KDM4B: variants seen among roughly 807,000 people sequenced by gnomAD.
KDM4B encodes lysine-specific demethylase 4B.
In KDM4B, 32 loss-of-function variants were observed where a neutral mutation model predicts 125.2. The ratio of observed to expected loss-of-function variants is 0.26; its 90% CI spans 0.19 to 0.34. KDM4B has a LOEUF of 0.34. Among genes scored for constraint, KDM4B ranks in the 10% least tolerant of loss-of-function variants. The pLI, the probability that KDM4B is intolerant of heterozygous loss-of-function variation, is 1.00. For missense variants in KDM4B, 1,190 were observed against 1,577.7 expected, an observed-to-expected ratio of 0.75 and a Z score of 4.16; for synonymous variants, 721 against 677.9, an observed-to-expected ratio of 1.06 and a Z score of -0.99.
intron 10 of KDM4B, among the ~76,000 whole-genome samples, chr19:5,117,965 T>C (rs2039289492): frequency 6.6e-6 from 1 of 152,136 alleles, no homozygotes; most frequent in South Asian, 2.1e-4. Flanking sequence ...TAGGAAGGCT[T>C]CCTGGAGGAG....
intron 9 of KDM4B, among the ~76,000 whole-genome samples, chr19:5,092,002 A>C (rs2038717621): frequency 6.6e-6 from 1 of 152,128 alleles, no homozygotes; most frequent in African/African-American, 2.4e-5. Context: ...GCCCCTTCCC[A>C]TGTGTGGGCT....
At chr19:5,103,561 C>T (rs1274672891) in intron 9 of KDM4B, among the ~76,000 whole-genome samples, 1 of 152,190 alleles carries the variant, frequency 6.6e-6, no homozygotes, top group Non-Finnish European at 1.5e-5. Flanking sequence ...GCTGACGGGC[C>T]AGCCAGCAGC....
intron 15 of KDM4B, among the ~76,000 whole-genome samples, chr19:5,136,189 G>A (rs983566764): frequency 6.6e-6 from 1 of 152,180 alleles, no homozygotes; most frequent in South Asian, 2.1e-4. Context: ...CAGCCGCTAC[G>A]CCTGTGATTT....
At chr19:5,084,367 A>G (rs934054397) in intron 9 of KDM4B, among the ~76,000 whole-genome samples, 7 of 144,602 alleles carry the variant, frequency 4.8e-5, no homozygotes, top group Admixed American at 2.1e-4. Flanking sequence ...TATATTGTAT[A>G]TAATTTATAT....
Position 5,144,426 on chromosome 19 carries a change from TGGGGCAG to T in KDM4B, c.2901+20_2901+26del. The T allele has an allele frequency of 3.3e-6, 1 of 305,958 alleles. No homozygotes were observed. Among genetic ancestry groups the T allele is most frequent in the Non-Finnish European group, 6.2e-6 (1 of 160,412 alleles). 19.0% of individuals were successfully genotyped at this position (305,958 alleles called of 1,614,324 possible). On this transcript the variant is annotated intron_variant, in intron 20 of 22. Transcript: ENST00000159111. ...GAGAGCATCACGGTGAGCTGTGGGG[TGGGGCAG>T]GGGGCGGGGGGAGGCTGGGAGCACA...
intron 9 of KDM4B, among the ~76,000 whole-genome samples, chr19:5,102,332 T>C (rs1383887699): frequency 6.6e-6 from 1 of 152,138 alleles, no homozygotes; most frequent in Admixed American, 6.5e-5. Flanking sequence ...CCAGGAGCCA[T>C]GAGCGTGGCC....
chr19:5,119,505 T>C (rs1462970564), intron 10 of KDM4B, 148 bp from the exon 11 acceptor site: 7 of 816,694 alleles, frequency 8.6e-6, no homozygotes, highest in Non-Finnish European at 1.2e-5. Flanking sequence ...GGGTTCCCTT[T>C]ACCCCCGGCC....
Position 5,132,150 on chromosome 19 carries a change from G to C in KDM4B, c.1906+143G>C, listed in dbSNP as rs1467188380. ...TGAACCCAGGCCTTTCTGTGGCTCT[G>C]CCGTAGCGACAGGCTGTCACTGGGG... is the stretch of plus-strand genomic sequence containing the variant. On this transcript the variant is annotated intron_variant, in intron 13 of 22. Coordinates refer to ENST00000159111, the MANE Select transcript of KDM4B (RefSeq NM_015015.3). The C allele has an allele frequency of 6.4e-6, 7 of 1,094,360 alleles. No individual in the cohort carries two copies. In the East Asian group the frequency reaches 1.6e-4, roughly 25 times the overall value. The allele number at this position is 1,094,360 out of a possible 1,614,324, so 67.8% of individuals were successfully genotyped here.
At chr19:5,090,496 C>CCCTCTCTT (rs2038669351) in intron 9 of KDM4B, among the ~76,000 whole-genome samples, 1 of 51,860 alleles carries the variant, frequency 1.9e-5, no homozygotes, top group Non-Finnish European at 4.1e-5. Flanking sequence ...TTCTCTCCCC[C>CCCTCTCTT]TCTCGCCCCC....
intron 1 of KDM4B, among the ~76,000 whole-genome samples, chr19:5,006,089 G>A (rs572671458): frequency 4.6e-5 from 7 of 152,210 alleles, no homozygotes; most frequent in Non-Finnish European, 1.0e-4. Context: ...GAAGAAGGAT[G>A]GGGGGCTGGT....
At position 5,119,895 on chromosome 19, in the gene KDM4B, C is replaced by T. The variant is rs567013546; in HGVS notation, c.1315+43C>T. On this transcript the variant is annotated intron_variant, in intron 11 of 22. Coordinates refer to ENST00000159111, the MANE Select transcript of KDM4B (RefSeq NM_015015.3). ...CAGGCCTGGCACCGCTGTTTTCCCA[C>T]CCCCGTGGGCATCTCCTAGAAGGAA... The T allele has an allele frequency of 1.3e-4, 207 of 1,538,344 alleles. 1 individual carries two copies. In the African/African-American group the frequency reaches 2.7e-3, roughly 20 times the overall value.
intron 1 of KDM4B, among the ~76,000 whole-genome samples, chr19:5,014,177 C>T (rs114597019): frequency 0.019 from 2,871 of 152,334 alleles, 113 homozygotes; most frequent in African/African-American, 0.065. Context: ...GACAGGGTCT[C>T]GCTCTGTCGC....
intron 1 of KDM4B, among the ~76,000 whole-genome samples, chr19:4,977,487 C>A (rs190368397): frequency 6.0e-4 from 91 of 152,326 alleles, no homozygotes; most frequent in African/African-American, 2.1e-3. Context: ...CATAGACCTC[C>A]CGTCAGCATT....
chr19:5,131,665 G>GGGAGGAGGGGGCCGGTGGGGCAC, intron 12 of KDM4B, 120 bp downstream of exon 12: 1 of 634,790 alleles, frequency 1.6e-6, no homozygotes, highest in Non-Finnish European at 2.7e-6. Context: ...GAGGGGACAG[G>GGGAGGAGGGGGCCGGTGGGGCAC]AGGGCTGACT....
intron 9 of KDM4B, among the ~76,000 whole-genome samples, chr19:5,095,048 G>T (rs1424242985): frequency 6.6e-6 from 1 of 152,154 alleles, no homozygotes; most frequent in South Asian, 2.1e-4. Context: ...ATGTCCTGTC[G>T]GCAGCTATGA....
intron 9 of KDM4B, among the ~76,000 whole-genome samples, chr19:5,091,776 C>T (rs2038710802): frequency 6.6e-6 from 1 of 152,060 alleles, no homozygotes; most frequent in Admixed American, 6.5e-5. Flanking sequence ...GGGAGGAGGG[C>T]CCACGGAGGT....
rs769022871 is a variant in KDM4B, at chr19:5,144,411, C to T, written c.2900C>T (p.Thr967Met). ...YSDNLYPESI[T>M]SRDCVQLGPP... The stretch of plus-strand genomic sequence containing the variant: ...GACAACCTGTACCCTGAGAGCATCA[C>T]GGTGAGCTGTGGGGTGGGGCAGGGG... The change falls in exon 20 of 23, where the codon ACG becomes ATG. Residue 967 changes from threonine to methionine, a missense_variant and splice_region_variant. Thr to Met is a moderately conservative substitution (Grantham distance 81, BLOSUM62 -1). Around this residue, in one of 7 missense-constraint regions of KDM4B, gnomAD observed 298 missense variants for 439.7 expected, o/e 0.68. Coordinates refer to ENST00000159111, the MANE Select transcript of KDM4B (RefSeq NM_015015.3). 7.3e-5 allele frequency: 41 copies of T among 562,054 alleles called. No individual in the cohort carries two copies. Among genetic ancestry groups the T allele is most frequent in the Non-Finnish European group, 1.2e-4 (37 of 301,826 alleles). The allele number at this position is 562,054 out of a possible 1,614,324, so 34.8% of individuals were successfully genotyped here.
chr19:5,001,199 A>AT (rs1269263588), intron 1 of KDM4B, among the ~76,000 whole-genome samples: 2 of 151,778 alleles, frequency 1.3e-5, no homozygotes, highest in Non-Finnish European at 2.9e-5. Flanking sequence ...TGCCAAGCTA[A>AT]TTTTTTTATG....
intron 2 of KDM4B, among the ~76,000 whole-genome samples, chr19:5,027,902 C>T (rs2036331543): frequency 6.6e-6 from 1 of 152,088 alleles, no homozygotes; most frequent in Non-Finnish European, 1.5e-5. Flanking sequence ...ATTTGTTCAC[C>T]CATTTAAAGT....
Sources: gnomAD v4.1 joint callset for allele counts (sites outside exome capture counted in the v4.1 genomes callset) on GRCh38, gnomAD v4.1.1 for gene constraint, gnomAD v4.1.1 regional missense constraint, MANE v1.5 for transcripts, NCBI Gene and HGNC (gene_info 2026-07-23, HGNC 2026-07-21) for gene names.